Variants in PTPRS observed in about 807,000 individuals in gnomAD.
PTPRS encodes receptor-type tyrosine-protein phosphatase S.
In PTPRS, 63 loss-of-function variants were observed where a neutral mutation model predicts 215.3. The observed-to-expected ratio is 0.29, with a 90% confidence interval of 0.24 to 0.36. The LOEUF is 0.36. PTPRS is among the 10% of genes least tolerant of loss of function. The probability of loss-of-function intolerance (pLI) is 1.00; values close to 1 mark genes in which losing one functional copy is unlikely to be tolerated. For missense variants in PTPRS, 2,258 were observed against 2,825.8 expected, an observed-to-expected ratio of 0.80 and a Z score of 4.56; for synonymous variants, 1,404 against 1,191.4, an observed-to-expected ratio of 1.18 and a Z score of -3.68.
At chr19:5,308,572 C>A (rs1233560998) in intron 1 of PTPRS, among the ~76,000 whole-genome samples, 1 of 152,032 alleles carries the variant, frequency 6.6e-6, no homozygotes, top group African/African-American at 2.4e-5. Context: ...CAAGCTTCAC[C>A]GACGCAGTCA....
At chr19:5,316,498 T>A (rs1318537370) in intron 1 of PTPRS, among the ~76,000 whole-genome samples, 1 of 152,168 alleles carries the variant, frequency 6.6e-6, no homozygotes, top group Non-Finnish European at 1.5e-5. Flanking sequence ...GTTCAAGCAA[T>A]TCTCCTGCCT....
chr19:5,317,103 G>A (rs528015777), intron 1 of PTPRS, among the ~76,000 whole-genome samples: 2 of 152,312 alleles, frequency 1.3e-5, no homozygotes, highest in Admixed American at 6.5e-5. Flanking sequence ...GGGACATTAG[G>A]AAGAACCACT....
Position 5,229,461 on chromosome 19 carries a change from TCCCCGGCCCCG to T in PTPRS, c.2349+19_2349+29del, listed in dbSNP as rs555977171. 1,098 of 1,375,362 alleles carry T rather than the reference TCCCCGGCCCCG, an allele frequency of 8.0e-4. 1 individual carries two copies. The highest frequency in any genetic ancestry group is 1.3e-3 in the South Asian group (74 of 58,574). The allele number at this position is 1,375,362 out of a possible 1,614,324, so 85.2% of individuals were successfully genotyped here. ...AGGGCCCGTCCCCGCCCGGAGCCCG[TCCCCGGCCCCG>T]CCCCGGCCCCCCGCCCACCTGGGCA... On this transcript the variant is annotated intron_variant, in intron 15 of 37. Transcript: ENST00000262963.
At chr19:5,313,791 C>T (rs544607867) in intron 1 of PTPRS, among the ~76,000 whole-genome samples, 1 of 152,034 alleles carries the variant, frequency 6.6e-6, no homozygotes, top group Non-Finnish European at 1.5e-5. Context: ...AACCCTGCAA[C>T]GTGGTTCTAA....
At chr19:5,340,282 C>A (rs1312021998) in intron 1 of PTPRS, among the ~76,000 whole-genome samples, 1 of 150,462 alleles carries the variant, frequency 6.6e-6, no homozygotes, top group African/African-American at 2.4e-5. Flanking sequence ...CACACGCGCG[C>A]CCCCCTCCGC....
At chr19:5,311,391 C>T (rs74347899) in intron 1 of PTPRS, among the ~76,000 whole-genome samples, 1 of 152,192 alleles carries the variant, frequency 6.6e-6, no homozygotes, top group Admixed American at 6.5e-5. Flanking sequence ...GTTCCCAACA[C>T]CTGACCCTGT....
Position 5,273,587 on chromosome 19 carries a change from C to T in PTPRS, c.238-4G>A, listed in dbSNP as rs2047101711. On this transcript the variant is annotated splice_polypyrimidine_tract_variant and splice_region_variant and intron_variant, in intron 3 of 37. Coordinates refer to ENST00000262963, the MANE Select transcript of PTPRS (RefSeq NM_002850.4). ...CACTCTCATCAAACTCAATCGTCTG[C>T]CATGGGCAGGGGAAAAAAGAACAGA... The T allele has an allele frequency of 3.1e-6, 5 of 1,613,968 alleles. No homozygotes were observed. Among genetic ancestry groups the T allele is most frequent in the Non-Finnish European group, 4.2e-6 (5 of 1,180,016 alleles).
In PTPRS at chr19:5,205,964, A is replaced by AAAT. The variant is rs1313120280; in HGVS notation, c.*807_*809dup. Among the ~76,000 whole-genome samples, 4 of 151,598 alleles carry AAAT rather than the reference A, an allele frequency of 2.6e-5. No individual in the cohort carries two copies. Among genetic ancestry groups the AAAT allele is most frequent in the Non-Finnish European group, 5.9e-5 (4 of 67,870 alleles). Reference sequence around the variant, plus strand: ...ATATGTCTGAAAATTTAATTTATAAAAATGAAACAAAAAGGGGGAAAAAAA... The same window carrying AAAT: ...ATATGTCTGAAAATTTAATTTATAAAAATAATGAAACAAAAAGGGGGAAAAAAA... On this transcript the variant is annotated 3_prime_UTR_variant, in exon 38 of 38. Transcript: ENST00000262963.
At chr19:5,314,552 T>C (rs1023466355) in intron 1 of PTPRS, among the ~76,000 whole-genome samples, 20 of 151,946 alleles carry the variant, frequency 1.3e-4, no homozygotes, top group African/African-American at 4.8e-4. Context: ...TTTATTTATT[T>C]AAAAAAAAAT....
chr19:5,246,362 T>C (rs2044485037), intron 9 of PTPRS, among the ~76,000 whole-genome samples: 1 of 152,154 alleles, frequency 6.6e-6, no homozygotes, highest in African/African-American at 2.4e-5. Flanking sequence ...GATATATCAA[T>C]ATATAATAGA....
intron 1 of PTPRS, among the ~76,000 whole-genome samples, chr19:5,311,301 G>C (rs553670956): frequency 6.6e-6 from 1 of 152,254 alleles, no homozygotes; most frequent in Middle Eastern, 3.4e-3. Flanking sequence ...GAGCCACTGC[G>C]CCCGGCCCCT....
At chr19:5,316,684 C>T (rs972582091) in intron 1 of PTPRS, among the ~76,000 whole-genome samples, 3 of 152,210 alleles carry the variant, frequency 2.0e-5, no homozygotes, top group African/African-American at 7.2e-5. Flanking sequence ...TGAGCCACCG[C>T]GCCTGGCCTA....
chr19:5,313,983 A>G (rs7253737), intron 1 of PTPRS, among the ~76,000 whole-genome samples: 1 of 151,266 alleles, frequency 6.6e-6, no homozygotes, highest in South Asian at 2.1e-4. Flanking sequence ...ATAAAAGTAA[A>G]AAAATTAGCC....
Position 5,212,011 on chromosome 19 carries a change from T to C in PTPRS, c.5009A>G (p.Gln1670Arg), listed in dbSNP as rs2040944834. The C allele has an allele frequency of 6.2e-7, 1 of 1,613,242 alleles. No homozygotes were observed. The highest frequency in any genetic ancestry group is 1.3e-5 in the African/African-American group (1 of 74,932). ...SLYAYIQKLAQVEPGEHVTGM... is the reference protein window; with the variant it reads ...SLYAYIQKLARVEPGEHVTGM... ...AGTGACGTGTTCGCCAGGCTCCACC[T>C]GGGCCAGCTTCTGGATGTAGGCATA... The change falls in exon 32 of 38, where the codon CAG (glutamine) becomes CGG (arginine). Residue 1670 changes from glutamine (Q) to arginine (R), a missense_variant. By Grantham distance (43) the Gln-to-Arg change is conservative. Coordinates refer to ENST00000262963, the MANE Select transcript of PTPRS (RefSeq NM_002850.4).
Position 5,210,861 on chromosome 19 carries a change from C to T in PTPRS, c.5235-56G>A. The T allele has an allele frequency of 8.2e-6, 13 of 1,581,176 alleles. No individual in the cohort carries two copies. The highest frequency in any genetic ancestry group is 1.1e-5 in the Non-Finnish European group (13 of 1,167,216). On this transcript the variant is annotated intron_variant, in intron 33 of 37. Coordinates refer to ENST00000262963, the MANE Select transcript of PTPRS (RefSeq NM_002850.4). The surrounding 1 kb of genome is among the most constrained non-coding windows in gnomAD (Gnocchi z 4.5). ...CGGCAGGGAGACCCGGCGTGGTACTCACCTGATGCTGCCCGGGAGGGTCAG... is the reference window on the plus strand; with the variant it reads ...CGGCAGGGAGACCCGGCGTGGTACTTACCTGATGCTGCCCGGGAGGGTCAG...
rs1351608223 is a variant in PTPRS, at chr19:5,219,421, G to A, written c.3812C>T (p.Pro1271Leu). 1.1e-5 allele frequency: 17 copies of A among 1,611,494 alleles called. No homozygotes were observed. Among genetic ancestry groups the A allele is most frequent in the South Asian group, 4.4e-5 (4 of 90,740 alleles). The change falls in exon 23 of 38, where the codon CCG becomes CTG. Residue 1271 changes from proline to leucine, a missense_variant. By Grantham distance (98) the Pro-to-Leu change is moderately conservative. Coordinates refer to ENST00000262963, the MANE Select transcript of PTPRS (RefSeq NM_002850.4). Reference sequence around the variant, plus strand: ...GCCATCCACGATGGGCTGGGGGTCCGGGTTATCCAGCTGGAAGGGGTCTGA... The same window carrying A: ...GCCATCCACGATGGGCTGGGGGTCCAGGTTATCCAGCTGGAAGGGGTCTGA... ...PFSDPFQLDNPDPQPIVDGEE... is the reference protein window; with the variant it reads ...PFSDPFQLDNLDPQPIVDGEE...
chr19:5,244,490 C>A lies in PTPRS; in HGVS notation c.989-8G>T. ...CGGGAGCTTTGGGGAGAGCTGTGGG[C>A]AGGAGGCAGCTGTGTCACGCATTGG... On this transcript the variant is annotated splice_region_variant and splice_polypyrimidine_tract_variant and intron_variant, in intron 10 of 37. Transcript: ENST00000262963. The surrounding 1 kb of genome is among the most constrained non-coding windows in gnomAD (Gnocchi z 7.2). 2 of 1,609,652 alleles carry A rather than the reference C, an allele frequency of 1.2e-6. No homozygotes were observed. Among genetic ancestry groups the A allele is most frequent in the Middle Eastern group, 1.7e-4 (1 of 6,048 alleles).
intron 1 of PTPRS, among the ~76,000 whole-genome samples, chr19:5,311,956 C>T (rs549472804): frequency 4.3e-4 from 66 of 151,856 alleles, no homozygotes; most frequent in African/African-American, 1.5e-3. Flanking sequence ...AGGAGAATGG[C>T]GTGAACCCGG....
intron 1 of PTPRS, among the ~76,000 whole-genome samples, chr19:5,300,780 A>G (rs890523873): frequency 3.3e-5 from 5 of 151,236 alleles, no homozygotes; most frequent in African/African-American, 9.7e-5. Flanking sequence ...AAAAAAAAAA[A>G]AAAAAGAAAA....
Sources: gnomAD v4.1 joint callset for allele counts (sites outside exome capture counted in the v4.1 genomes callset) on GRCh38, gnomAD v4.1.1 for gene constraint, Gnocchi (gnomAD v3.1) non-coding constraint, MANE v1.5 for transcripts, NCBI Gene and HGNC (gene_info 2026-07-23, HGNC 2026-07-21) for gene names.